The following CERS4 variants were observed in gnomAD, a reference collection of about 807,000 sequenced individuals.
CERS4 encodes the protein LAG1 homolog, ceramide synthase 4.
A neutral mutation model predicts 51.8 loss-of-function variants in CERS4; 65 were observed. That is an observed-to-expected ratio of 1.26 (90% confidence interval 1.03 to 1.54). The LOEUF is 1.54. Among genes scored for constraint, CERS4 ranks in the 40% most tolerant of loss-of-function variants. The pLI is 0.00. For missense variants in CERS4, 563 were observed against 500.4 expected, an observed-to-expected ratio of 1.13 and a Z score of -1.19; for synonymous variants, 228 against 208.4, an observed-to-expected ratio of 1.09 and a Z score of -0.81.
chr19:8,217,341 C>T (rs901146285), intron 2 of CERS4, among the ~76,000 whole-genome samples: 4 of 151,956 alleles, frequency 2.6e-5, no homozygotes, highest in Non-Finnish European at 5.9e-5. Flanking sequence ...GGAAAACAAT[C>T]AGAGACACTG....
rs1376069601 is a variant in CERS4 at position 8,261,822 on chromosome 19, A to ATTCTT, written c.984_985insTCTTT (p.Phe330LeufsTer4). 3.1e-6 allele frequency: 5 copies of ATTCTT among 1,613,944 alleles called. No homozygotes were observed. The highest frequency in any genetic ancestry group is 1.7e-5 in the Admixed American group (1 of 59,982). On this transcript the variant is annotated frameshift_variant, in exon 11 of 12. Coordinates refer to ENST00000251363, the MANE Select transcript of CERS4 (RefSeq NM_024552.3). LOFTEE classifies it low-confidence loss of function (END_TRUNC). ...TCTTGCCTCATTCTGCGCATGCTCTATAGCTTCATGAAGAAGGGCCAGGTA... is the reference window on the plus strand; with the variant it reads ...TCTTGCCTCATTCTGCGCATGCTCTATTCTTTAGCTTCATGAAGAAGGGCCAGGTA...
chr19:8,251,813 ATGTG>A (rs1568530745), intron 3 of CERS4, among the ~76,000 whole-genome samples: 24 of 150,928 alleles, frequency 1.6e-4, no homozygotes, highest in South Asian at 4.2e-4. Context: ...AAAAAAAAAA[ATGTG>A]AGCTGGGGTG....
At chr19:8,237,731 G>A (rs930133152) in intron 2 of CERS4, among the ~76,000 whole-genome samples, 1 of 151,562 alleles carries the variant, frequency 6.6e-6, no homozygotes, top group African/African-American at 2.4e-5. Flanking sequence ...GGCGCCTGTA[G>A]TCCCAGCTAC....
At chr19:8,245,978 G>A (rs1002302583) in intron 2 of CERS4, among the ~76,000 whole-genome samples, 10 of 148,070 alleles carry the variant, frequency 6.8e-5, no homozygotes, top group African/African-American at 2.5e-4. Flanking sequence ...CCAGCAATTT[G>A]GGAGGCTGAG....
chr19:8,236,406 T>C (rs1293538822), intron 2 of CERS4, among the ~76,000 whole-genome samples: 1 of 151,976 alleles, frequency 6.6e-6, no homozygotes, highest in Non-Finnish European at 1.5e-5. Flanking sequence ...AAATTTCTGC[T>C]TATGGCTGGG....
chr19:8,224,541 G>C (rs989498154), intron 2 of CERS4, among the ~76,000 whole-genome samples: 3 of 152,162 alleles, frequency 2.0e-5, no homozygotes, highest in African/African-American at 7.2e-5. Flanking sequence ...CTGTTGAACA[G>C]AGTCGTGAAG....
At chr19:8,217,702 A>ATT (rs571884125) in intron 2 of CERS4, among the ~76,000 whole-genome samples, 1 of 151,008 alleles carries the variant, frequency 6.6e-6, no homozygotes, top group Non-Finnish European at 1.5e-5. Context: ...ACGCCTGGCT[A>ATT]TTTTTTTTGT....
intron 2 of CERS4, chr19:8,214,309 G>A (rs912003662): frequency 2.2e-4 from 33 of 152,322 alleles, no homozygotes; most frequent in African/African-American, 7.5e-4. Flanking sequence ...TGTCTGCAGT[G>A]GGAGGCACTG....
At chr19:8,217,727 C>T (rs377399582) in intron 2 of CERS4, among the ~76,000 whole-genome samples, 22 of 152,018 alleles carry the variant, frequency 1.4e-4, no homozygotes, top group Middle Eastern at 3.4e-3. Flanking sequence ...TTAGTAGAGA[C>T]GGGGTTTCAC....
At chr19:8,213,035 T>A (rs1967143516) in intron 2 of CERS4, among the ~76,000 whole-genome samples, 1 of 151,708 alleles carries the variant, frequency 6.6e-6, no homozygotes, top group Non-Finnish European at 1.5e-5. Context: ...TGCTTTTCTT[T>A]CTTGTTTTTG....
At chr19:8,254,683 G>A in intron 4 of CERS4, 67 bp downstream of exon 4, 2 of 1,432,176 alleles carry the variant, frequency 1.4e-6, no homozygotes, top group Non-Finnish European at 1.9e-6. Context: ...GATGGTGTGT[G>A]GCCCATTTGT....
Position 8,256,299 on chromosome 19 carries a change from G to C in CERS4, c.519+13G>C, listed in dbSNP as rs1048624251. On this transcript the variant is annotated intron_variant, in intron 7 of 11. Coordinates refer to ENST00000251363, the MANE Select transcript of CERS4 (RefSeq NM_024552.3). Reference sequence around the variant, plus strand: ...GTACCCAAACCAGGTGAGTGGCAGAGTGTGTGTGAATGCTTGGAGGGTGAG... The same window carrying C: ...GTACCCAAACCAGGTGAGTGGCAGACTGTGTGTGAATGCTTGGAGGGTGAG... 16 of 1,613,000 alleles carry C rather than the reference G, an allele frequency of 9.9e-6. No homozygotes were observed. Among genetic ancestry groups the C allele is most frequent in the African/African-American group, 1.3e-5 (1 of 74,894 alleles).
intron 2 of CERS4, among the ~76,000 whole-genome samples, chr19:8,240,743 C>G (rs1050493479): frequency 2.0e-5 from 3 of 152,132 alleles, no homozygotes; most frequent in Non-Finnish European, 4.4e-5. Context: ...TAGCTCTGAT[C>G]TGCTGAGCAG....
chr19:8,255,544 G>A (rs1011551668), intron 4 of CERS4, 63 bp from the exon 5 acceptor site: 44 of 1,425,472 alleles, frequency 3.1e-5, no homozygotes, highest in Admixed American at 1.2e-4. Context: ...AGTCCTGTCT[G>A]GGGACATGGG....
At chr19:8,255,325 C>T (rs1226380992) in intron 4 of CERS4, among the ~76,000 whole-genome samples, 1 of 152,142 alleles carries the variant, frequency 6.6e-6, no homozygotes, top group Non-Finnish European at 1.5e-5. Flanking sequence ...CGCAGGGAAG[C>T]CTATCCGGGG....
At position 8,255,326 on chromosome 19, in the gene CERS4, C is replaced by T. The variant is rs191725095; in HGVS notation, c.292-281C>T. Among the ~76,000 whole-genome samples the T allele has an allele frequency of 2.1e-3, 314 of 152,214 alleles. 1 individual carries two copies. Among genetic ancestry groups the T allele is most frequent in the African/African-American group, 7.1e-3 (297 of 41,544 alleles). ...CCGTTCTGGAGGGACGCAGGGAAGC[C>T]TATCCGGGGGTAGGGGATGCTGCAC... is the stretch of plus-strand genomic sequence containing the variant. On this transcript the variant is annotated intron_variant, in intron 4 of 11. Transcript: ENST00000251363.
Position 8,235,006 on chromosome 19 carries a change from TC to T in CERS4, c.-1-16069del, listed in dbSNP as rs1391208417. Among the ~76,000 whole-genome samples the T allele has an allele frequency of 3.0e-3, 370 of 122,156 alleles. 1 individual carries two copies. The highest frequency in any genetic ancestry group is 0.012 in the African/African-American group (354 of 29,598). 80.1% of individuals were successfully genotyped at this position (122,156 alleles called of 152,430 possible). ...TTGTATCTTTCTCTTTTTCTTTCTT[TC>T]TTTCTTTTTTTTTTTTTTCAGACAG... On this transcript the variant is annotated intron_variant, in intron 2 of 11. Transcript: ENST00000251363.
In CERS4 at chr19:8,256,290, A is replaced by T. The variant is rs1474192340; in HGVS notation, c.519+4A>T. ...CTGGGACAGGTACCCAAACCAGGTG[A>T]GTGGCAGAGTGTGTGTGAATGCTTG... is the stretch of plus-strand genomic sequence containing the variant. On this transcript the variant is annotated splice_donor_region_variant and intron_variant, in intron 7 of 11. Coordinates refer to ENST00000251363, the MANE Select transcript of CERS4 (RefSeq NM_024552.3). The T allele has an allele frequency of 2.5e-6, 4 of 1,613,392 alleles. No individual in the cohort carries two copies. The highest frequency in any genetic ancestry group is 2.7e-5 in the African/African-American group (2 of 74,882).
At chr19:8,258,105 G>A (rs1969493452) in intron 10 of CERS4, 120 bp downstream of exon 10, 1 of 807,768 alleles carries the variant, frequency 1.2e-6, no homozygotes, top group Non-Finnish European at 2.1e-6. Context: ...AGAGTTCCAG[G>A]AGGAGGCAGG....
Sources: gnomAD v4.1 joint callset for allele counts (sites outside exome capture counted in the v4.1 genomes callset) on GRCh38, gnomAD v4.1.1 for gene constraint, MANE v1.5 for transcripts, NCBI Gene and HGNC (gene_info 2026-07-23, HGNC 2026-07-21) for gene names.